The following SIAE variants were observed in gnomAD, a reference collection of about 807,000 sequenced individuals.
The protein encoded by SIAE is sialate O-acetylesterase.
SIAE carries 39 observed loss-of-function variants against 52.6 expected under a neutral mutation model. The ratio of observed to expected loss-of-function variants is 0.74; its 90% CI spans 0.57 to 0.97. The LOEUF (loss-of-function observed/expected upper bound fraction) is 0.97, where lower values mean the gene tolerates loss of function less well. Ranked by LOEUF, SIAE falls within the 50% of genes least tolerant of loss-of-function variation. The probability of loss-of-function intolerance (pLI) is 0.00; values close to 1 mark genes in which losing one functional copy is unlikely to be tolerated. For missense variants in SIAE, 592 were observed against 662.1 expected, an observed-to-expected ratio of 0.89 and a Z score of 1.16; for synonymous variants, 233 against 241.4, an observed-to-expected ratio of 0.97 and a Z score of 0.32.
At position 124,639,750 on chromosome 11, in the gene SIAE, C is replaced by T. The variant is rs753761206; in HGVS notation, c.1084G>A (p.Val362Ile). The change falls in exon 8 of 10, where the codon GTA becomes ATA. Residue 362 changes from valine to isoleucine, a missense_variant. Physicochemically the swap from Val to Ile is conservative, Grantham distance 29. Coordinates refer to ENST00000263593, the MANE Select transcript of SIAE (RefSeq NM_170601.5). ...NPKMPNTFMA[V>I]AMDLCDRDSP... The stretch of plus-strand genomic sequence containing the variant: ...TCTCTATCACAGAGATCCATAGCTA[C>T]AGCCATGAAAGTATTGGGCATCTTT... The T allele has an allele frequency of 1.7e-5, 27 of 1,614,228 alleles. No homozygotes were observed. The South Asian group carries it at 2.5e-4, about 15-fold the overall frequency.
At chr11:124,675,198 CAGACAAATTTAA>C, upstream of SIAE, 1 of 1,538,060 alleles carries the variant, frequency 6.5e-7, no homozygotes, top group Non-Finnish European at 8.7e-7. Flanking sequence ...TAAGTAAAAT[CAGACAAATTTAA>C]AGACAGTACT....
chr11:124,660,527 A>C, intron 3 of SIAE, 101 bp downstream of exon 3: 1 of 1,225,946 alleles, frequency 8.2e-7, no homozygotes, highest in Non-Finnish European at 1.2e-6. Flanking sequence ...GTACTCACTA[A>C]ATAGAAACAG....
In SIAE at chr11:124,633,605, A is replaced by T. The variant is rs1222214584; in HGVS notation, c.*3346T>A. 4 of 152,252 alleles carry T rather than the reference A, an allele frequency of 2.6e-5. No homozygotes were observed. Among genetic ancestry groups the T allele is most frequent in the Non-Finnish European group, 5.9e-5 (4 of 68,050 alleles). 9.4% of individuals were successfully genotyped at this position (152,252 alleles called of 1,614,324 possible). Reference sequence around the variant, plus strand: ...GTGTTTAGAGCACACCACACTGGCCACTGTAAACTGAGAAGCTAAGTTAAC... The same window carrying T: ...GTGTTTAGAGCACACCACACTGGCCTCTGTAAACTGAGAAGCTAAGTTAAC... On this transcript the variant is annotated 3_prime_UTR_variant, in exon 10 of 10. Transcript: ENST00000263593.
intron 6 of SIAE, 93 bp from the exon 7 acceptor site, chr11:124,647,591 T>C: frequency 1.4e-6 from 2 of 1,477,670 alleles, no homozygotes; most frequent in Non-Finnish European, 1.9e-6. Flanking sequence ...CCTGAGGTAG[T>C]GGTCTTCCCA....
chr11:124,669,531 T>G lies in SIAE; in HGVS notation c.68-10A>C, dbSNP rs1435954893. 1.2e-6 allele frequency: 2 copies of G among 1,612,328 alleles called. No homozygotes were observed. The highest frequency in any genetic ancestry group is 1.7e-5 in the Admixed American group (1 of 60,022). The stretch of plus-strand genomic sequence containing the variant: ...AAGCGAAAACCAATACCTAAAAAAT[T>G]TAACAAACACTGAGGGAAGCATCAT... On this transcript the variant is annotated splice_polypyrimidine_tract_variant and intron_variant, in intron 1 of 9. Coordinates refer to ENST00000263593, the MANE Select transcript of SIAE (RefSeq NM_170601.5).
At position 124,636,388 on chromosome 11, in the gene SIAE, A is replaced by AACTT. The variant is rs1382043610; in HGVS notation, c.*559_*562dup. On this transcript the variant is annotated 3_prime_UTR_variant, in exon 10 of 10. Transcript: ENST00000263593. ...AAGATTTCGGTTCCACATAAGGAAA[A>AACTT]ACTTGGAAAGTTTTGAATGGAAAGT... 6.4e-6 allele frequency: 1 copy of AACTT among 157,198 alleles called. No homozygotes were observed. The highest frequency in any genetic ancestry group is 6.0e-5 in the Admixed American group (1 of 16,560). 9.7% of individuals were successfully genotyped at this position (157,198 alleles called of 1,614,324 possible).
rs190476901 is a variant in SIAE at position 124,669,878 on chromosome 11, A to T, written c.68-357T>A. On this transcript the variant is annotated intron_variant, in intron 1 of 9. Transcript: ENST00000263593. ...GCAAAATCACTAAAATGCTCCTTTC[A>T]TGCACCTATAGATGGTGTTTATGAG... is the stretch of plus-strand genomic sequence containing the variant. Among the ~76,000 whole-genome samples, 36 of 152,264 alleles carry T rather than the reference A, an allele frequency of 2.4e-4. No homozygotes were observed. In the East Asian group the frequency reaches 6.2e-3, roughly 26 times the overall value.
intron 2 of SIAE, among the ~76,000 whole-genome samples, chr11:124,664,329 T>G (rs1160198548): frequency 6.6e-6 from 1 of 151,898 alleles, no homozygotes; most frequent in East Asian, 1.9e-4. Flanking sequence ...CCTCCCGGGT[T>G]CAAGCAATTC....
At position 124,637,014 on chromosome 11, in the gene SIAE, G is replaced by A. The variant is rs1021260534; in HGVS notation, c.1509C>T (p.Ala503=). 2 of 1,614,086 alleles carry A rather than the reference G, an allele frequency of 1.2e-6. No individual in the cohort carries two copies. The highest frequency in any genetic ancestry group is 1.7e-5 in the Admixed American group (1 of 60,006). The change falls in exon 10 of 10, where the codon GCC becomes GCT. Residue 503 remains alanine, a synonymous_variant. Transcript: ENST00000263593. ...PLYHPSSALP[A]PPFIAFITDQ... ...CTGTAATGAAAGCAATGAAGGGAGG[G>A]GCTGGCAGGGCACTACTGGGGTGGT... is the stretch of plus-strand genomic sequence containing the variant.
rs1330968239 is a variant in SIAE, at chr11:124,634,620, T to C, written c.*2331A>G. On this transcript the variant is annotated 3_prime_UTR_variant, in exon 10 of 10. Coordinates refer to ENST00000263593, the MANE Select transcript of SIAE (RefSeq NM_170601.5). ...TATGATGTTTGCATGTGATATTCAT[T>C]ACAGTATTATTTTAATAGTAGAAAA... 20 of 152,166 alleles carry C rather than the reference T, an allele frequency of 1.3e-4. No individual in the cohort carries two copies. Among genetic ancestry groups the C allele is most frequent in the Non-Finnish European group, 4.4e-5 (3 of 68,012 alleles). The allele number at this position is 152,166 out of a possible 1,614,324, so 9.4% of individuals were successfully genotyped here.
rs1476266200 is a variant in SIAE, at chr11:124,655,194, T to C, written c.406-401A>G. On this transcript the variant is annotated intron_variant, in intron 3 of 9. Transcript: ENST00000263593. ...TTCTTCTTTTTTTTTTTTTTTTGTG[T>C]GTGAGACAGTCTTGCTCTCTCGCCC... Among the ~76,000 whole-genome samples the C allele has an allele frequency of 6.6e-5, 10 of 150,662 alleles. No homozygotes were observed. The East Asian group carries it at 9.7e-4, about 15-fold the overall frequency.
chr11:124,648,429 C>T (rs1942971722), intron 5 of SIAE, among the ~76,000 whole-genome samples: 1 of 152,020 alleles, frequency 6.6e-6, no homozygotes, highest in Non-Finnish European at 1.5e-5. Flanking sequence ...GTAATTAAAG[C>T]CACAGGGAAG....
rs919369105 is a variant in SIAE, at chr11:124,637,198, G to T, written c.1325C>A (p.Ser442Tyr). 34 of 1,614,032 alleles carry T rather than the reference G, an allele frequency of 2.1e-5. No homozygotes were observed. In the Admixed American group the frequency reaches 2.3e-4, roughly 11 times the overall value. Reference protein sequence around the residue: ...QKKDNKIFEISCCSDHRCKWL... With the variant: ...QKKDNKIFEIYCCSDHRCKWL... Reference sequence around the variant, plus strand: ...CTTGCATCGATGGTCACTGCAACAGGAGATCTAATAAGAGAGCCATAAAAT... The same window carrying T: ...CTTGCATCGATGGTCACTGCAACAGTAGATCTAATAAGAGAGCCATAAAAT... Residue 442 changes from serine to tyrosine, a missense_variant, in exon 10 of 10, where the codon TCC (serine) becomes TAC (tyrosine). Coordinates refer to ENST00000263593, the MANE Select transcript of SIAE (RefSeq NM_170601.5).
intron 3 of SIAE, among the ~76,000 whole-genome samples, chr11:124,657,739 C>G (rs1209120760): frequency 6.6e-6 from 1 of 152,138 alleles, no homozygotes; most frequent in Non-Finnish European, 1.5e-5. Context: ...GGGACCATTC[C>G]TTCTGTACCT....
chr11:124,663,316 C>A (rs1943218735), intron 2 of SIAE, among the ~76,000 whole-genome samples: 1 of 152,168 alleles, frequency 6.6e-6, no homozygotes, highest in Admixed American at 6.5e-5. Flanking sequence ...GTGGCTTGCG[C>A]CTGTAATCCC....
Position 124,633,257 on chromosome 11 carries a change from T to C in SIAE, c.*3694A>G, listed in dbSNP as rs2134340565. 6.6e-6 allele frequency: 1 copy of C among 152,396 alleles called. No homozygotes were observed. Among genetic ancestry groups the C allele is most frequent in the East Asian group, 1.9e-4 (1 of 5,190 alleles). 9.4% of individuals were successfully genotyped at this position (152,396 alleles called of 1,614,324 possible). On this transcript the variant is annotated 3_prime_UTR_variant, in exon 10 of 10. Coordinates refer to ENST00000263593, the MANE Select transcript of SIAE (RefSeq NM_170601.5). ...CTATAACAGACTTAGTCCTGTCTTT[T>C]CATTAGCCATGTAATAATATAACTC...
At position 124,654,676 on chromosome 11, in the gene SIAE, G is replaced by T; in HGVS notation, c.523C>A (p.Gln175Lys). 1.2e-6 allele frequency: 2 copies of T among 1,614,184 alleles called. No individual in the cohort carries two copies. The highest frequency in any genetic ancestry group is 2.2e-5 in the South Asian group (2 of 91,082). ...ELEDLVAVDLQWSKPTSENLG... is the reference protein window; with the variant it reads ...ELEDLVAVDLKWSKPTSENLG... The stretch of plus-strand genomic sequence containing the variant: ...ATACCTGAGGTGGGCTTAGACCACT[G>T]CAAGTCAACCGCAACAAGGTCCTCC... The change falls in exon 4 of 10, where the codon CAG (glutamine) becomes AAG (lysine). Residue 175 changes from glutamine to lysine, a missense_variant. By Grantham distance (53) the Gln-to-Lys change is moderately conservative. Transcript: ENST00000263593.
At chr11:124,641,942 C>T (rs943237847) in intron 7 of SIAE, among the ~76,000 whole-genome samples, 9 of 130,958 alleles carry the variant, frequency 6.9e-5, no homozygotes, top group Admixed American at 6.1e-4. Context: ...CCTGGGCAAC[C>T]GGGCAAGACT....
Position 124,645,950 on chromosome 11 carries a change from G to T in SIAE, c.966+1415C>A, listed in dbSNP as rs1313063574. Among the ~76,000 whole-genome samples the T allele has an allele frequency of 6.6e-6, 1 of 152,216 alleles. No individual in the cohort carries two copies. The highest frequency in any genetic ancestry group is 1.5e-5 in the Non-Finnish European group (1 of 68,036). On this transcript the variant is annotated intron_variant, in intron 7 of 9. Transcript: ENST00000263593. This position sits in a 1 kb window ranked among gnomAD's most constrained non-coding sequence, Gnocchi z 4.7. ...GACAAGGTAGGGGAGTGGGGAGGAT[G>T]GTGAGAAGTCATCTGTGGGGCGTGC...
Sources: gnomAD v4.1 joint callset for allele counts (sites outside exome capture counted in the v4.1 genomes callset) on GRCh38, gnomAD v4.1.1 for gene constraint, Gnocchi (gnomAD v3.1) non-coding constraint, MANE v1.5 for transcripts, NCBI Gene and HGNC (gene_info 2026-07-23, HGNC 2026-07-21) for gene names.